The following PRKCQ variants were observed in gnomAD, a reference collection of about 807,000 sequenced individuals.
PRKCQ encodes the protein protein kinase C theta.
PRKCQ carries 41 observed loss-of-function variants against 91.2 expected under a neutral mutation model. That is an observed-to-expected ratio of 0.45 (90% CI 0.35 to 0.58). The LOEUF is 0.58. PRKCQ is among the 20% of genes least tolerant of loss of function. The probability of loss-of-function intolerance (pLI) is 0.00; values close to 1 mark genes in which losing one functional copy is unlikely to be tolerated. For missense variants in PRKCQ, 673 were observed against 896.5 expected (o/e 0.75, Z 3.18); for synonymous variants, 307 against 316.9 (o/e 0.97, Z 0.33).
chr10:6,535,258 A>T (rs1839538379), intron 1 of PRKCQ, among the ~76,000 whole-genome samples: 1 of 152,186 alleles, frequency 6.6e-6, no homozygotes, highest in Admixed American at 6.5e-5. Flanking sequence ...ATACCAACTT[A>T]TCAGGAGTTC....
At chr10:6,457,097 C>A (rs1835051625) in intron 14 of PRKCQ, among the ~76,000 whole-genome samples, 2 of 152,152 alleles carry the variant, frequency 1.3e-5, no homozygotes, top group South Asian at 4.1e-4. Flanking sequence ...CCAGGACTTT[C>A]CTGAGGGTAA....
At chr10:6,405,158 T>G in the PRKCQ span, among the ~76,000 whole-genome samples, 1 of 152,138 alleles carries the variant, frequency 6.6e-6, no homozygotes, top group African/African-American at 2.4e-5. Context: ...ATTTTTTGTA[T>G]TTTTGGTAGA....
intron 10 of PRKCQ, 99 bp from the exon 11 acceptor site, chr10:6,483,699 G>C (rs926124328): frequency 2.1e-6 from 3 of 1,396,038 alleles, no homozygotes; most frequent in South Asian, 1.3e-5. Flanking sequence ...CCATGCTGAG[G>C]CTCCATCATA....
At chr10:6,428,387 A>C in intron 17 of PRKCQ, 25 bp from the exon 18 acceptor site, 1 of 1,601,584 alleles carries the variant, frequency 6.2e-7, no homozygotes. Flanking sequence ...AAGGGAAGAA[A>C]GAAAGAGAAG....
At chr10:6,550,109 G>C (rs1002502317) in intron 1 of PRKCQ, among the ~76,000 whole-genome samples, 1 of 151,974 alleles carries the variant, frequency 6.6e-6, no homozygotes, top group African/African-American at 2.4e-5. Context: ...TCTACTTCCC[G>C]TTTCTGTGAA....
At chr10:6,570,873 T>C (rs1286795645) in intron 1 of PRKCQ, among the ~76,000 whole-genome samples, 1 of 152,042 alleles carries the variant, frequency 6.6e-6, no homozygotes, top group Non-Finnish European at 1.5e-5. Context: ...GGGGTTTCTT[T>C]CGTTGTGAAA....
At position 6,571,644 on chromosome 10, in the gene PRKCQ, A is replaced by G. The variant is rs570215529; in HGVS notation, c.-10+8567T>C. ...AACATGGTGAAACCCTGTCTCTACT[A>G]AAAACATAAAAATTAACCAGGTGTG... is the stretch of plus-strand genomic sequence containing the variant. On this transcript the variant is annotated intron_variant, in intron 1 of 17. Coordinates refer to ENST00000263125, the MANE Select transcript of PRKCQ (RefSeq NM_006257.5). Among the ~76,000 whole-genome samples, 352 of 152,266 alleles carry G rather than the reference A, an allele frequency of 2.3e-3. 4 individuals carry two copies. Among genetic ancestry groups the G allele is most frequent in the Non-Finnish European group, 2.1e-3 (141 of 68,010 alleles).
chr10:6,489,191 T>C (rs1276114489), intron 8 of PRKCQ, among the ~76,000 whole-genome samples: 1 of 152,038 alleles, frequency 6.6e-6, no homozygotes, highest in East Asian at 1.9e-4. Context: ...AGGTGTCAGG[T>C]TTCAACTTCG....
At chr10:6,396,215 G>A in the PRKCQ span, among the ~76,000 whole-genome samples, 1 of 152,084 alleles carries the variant, frequency 6.6e-6, no homozygotes, top group Admixed American at 6.6e-5. Flanking sequence ...TAGAAACTTG[G>A]CTAAAACTAA....
chr10:6,405,959 C>T, the PRKCQ span, among the ~76,000 whole-genome samples: 1 of 152,334 alleles, frequency 6.6e-6, no homozygotes, highest in African/African-American at 2.4e-5. Context: ...CTTGGTATAA[C>T]CTCAAGTCAG....
At chr10:6,404,430 TTC>T in the PRKCQ span, among the ~76,000 whole-genome samples, 62 of 109,298 alleles carry the variant, frequency 5.7e-4, 1 homozygote, top group Non-Finnish European at 5.1e-4. Flanking sequence ...TTCTCTTTCT[TTC>T]TCTCTTTCTT....
chr10:6,424,354 A>G (rs144580249), downstream of PRKCQ, among the ~76,000 whole-genome samples: 1,068 of 152,256 alleles, frequency 7.0e-3, 13 homozygotes, highest in African/African-American at 0.025. Context: ...ATCTAGCTCG[A>G]GAGGGCAGTG....
chr10:6,424,113 G>A (rs1379032396), downstream of PRKCQ, among the ~76,000 whole-genome samples: 3 of 151,992 alleles, frequency 2.0e-5, no homozygotes, highest in African/African-American at 4.8e-5. Flanking sequence ...CAAAATTCTC[G>A]GGGCAAAACC....
chr10:6,402,999 C>T, the PRKCQ span, among the ~76,000 whole-genome samples: 1 of 152,244 alleles, frequency 6.6e-6, no homozygotes, highest in Non-Finnish European at 1.5e-5. Flanking sequence ...GACCACCTGG[C>T]TGCTGCTTTT....
chr10:6,450,029 C>T lies in PRKCQ; in HGVS notation c.1647+6645G>A, dbSNP rs1320775424. Among the ~76,000 whole-genome samples the T allele has an allele frequency of 4.7e-5, 7 of 147,890 alleles. No individual in the cohort carries two copies. The East Asian group carries it at 7.9e-4, about 17-fold the overall frequency. The stretch of plus-strand genomic sequence containing the variant: ...ACTAGGAAGAAACTGCATCAACTAA[C>T]GAGCAAAATAACCAGCTAACATCAT... On this transcript the variant is annotated intron_variant, in intron 15 of 17. Coordinates refer to ENST00000263125, the MANE Select transcript of PRKCQ (RefSeq NM_006257.5).
intron 1 of PRKCQ, among the ~76,000 whole-genome samples, chr10:6,546,679 A>G (rs902432834): frequency 3.3e-5 from 5 of 152,318 alleles, no homozygotes; most frequent in African/African-American, 1.2e-4. Context: ...GTCTGCAAAC[A>G]GGGACAATTT....
In PRKCQ at chr10:6,430,986, T is replaced by G; in HGVS notation, c.1837-48A>C. 2.5e-6 allele frequency: 4 copies of G among 1,591,630 alleles called. No individual in the cohort carries two copies. The highest frequency in any genetic ancestry group is 3.4e-6 in the Non-Finnish European group (4 of 1,169,002). On this transcript the variant is annotated intron_variant, in intron 16 of 17. Transcript: ENST00000263125. This position sits in a 1 kb window ranked among gnomAD's most constrained non-coding sequence, Gnocchi z 4.7. ...CCCTGAGGTCTCCAGGGATGACCCT[T>G]TTGCATCAGGAGGTCGTGGTGCTTC...
chr10:6,489,975 G>A (rs183585899), intron 8 of PRKCQ, among the ~76,000 whole-genome samples: 1 of 152,150 alleles, frequency 6.6e-6, no homozygotes, highest in African/African-American at 2.4e-5. Flanking sequence ...GACCATCACA[G>A]GAGAACCAAG....
intron 1 of PRKCQ, among the ~76,000 whole-genome samples, chr10:6,560,046 C>T (rs1186102548): frequency 6.6e-6 from 1 of 152,196 alleles, no homozygotes; most frequent in Non-Finnish European, 1.5e-5. Flanking sequence ...CTTCTCTTCT[C>T]CCCTGTATTT....
Sources: allele counts gnomAD v4.1 joint callset (sites outside exome capture counted in the v4.1 genomes callset), GRCh38; gene constraint gnomAD v4.1.1; non-coding constraint Gnocchi (gnomAD v3.1); transcripts MANE v1.5; gene names NCBI Gene and HGNC (gene_info 2026-07-23, HGNC 2026-07-21).